The following DRAM1 variants were observed in gnomAD, a reference collection of about 807,000 sequenced individuals.
DRAM1 encodes the protein DNA damage regulated autophagy modulator 1, also known as DNA damage-regulated autophagy modulator protein 1.
In DRAM1, 25 loss-of-function variants were observed where a neutral mutation model predicts 28.5. That is an observed-to-expected ratio of 0.88 (90% CI 0.64 to 1.23). The LOEUF (loss-of-function observed/expected upper bound fraction) is 1.23. DRAM1 is among the 50% of genes most tolerant of loss of function. DRAM1 has a pLI of 0.00. For missense variants in DRAM1, 249 were observed against 299.2 expected (o/e 0.83, Z 1.24); for synonymous variants, 113 against 114.2 (o/e 0.99, Z 0.07).
At position 101,921,826 on chromosome 12, in the gene DRAM1, G is replaced by A. The variant is rs1874495845; in HGVS notation, c.*566G>A. ...CTGATTTTTAGCCGAACTAAACAAAGTGCTTCTACTGAGAGGCCTTTATAC... is the reference window on the plus strand; with the variant it reads ...CTGATTTTTAGCCGAACTAAACAAAATGCTTCTACTGAGAGGCCTTTATAC... On this transcript the variant is annotated 3_prime_UTR_variant, in exon 7 of 7. Transcript: ENST00000258534. The A allele has an allele frequency of 6.6e-6, 1 of 152,554 alleles. No individual in the cohort carries two copies. The highest frequency in any genetic ancestry group is 6.5e-5 in the Admixed American group (1 of 15,278). 9.5% of individuals were successfully genotyped at this position (152,554 alleles called of 1,614,324 possible).
In DRAM1 at chr12:101,914,305, G is replaced by A. The variant is rs181747532; in HGVS notation, c.579+73G>A. On this transcript the variant is annotated intron_variant, in intron 5 of 6. Coordinates refer to ENST00000258534, the MANE Select transcript of DRAM1 (RefSeq NM_018370.3). ...AGCTTGTGGCCAGGCTAGGCATAGG[G>A]AAGATCACTGCCGTTCCTTAGAACA... 1.1e-3 allele frequency: 1,271 copies of A among 1,151,466 alleles called. 10 individuals carry two copies. The African/African-American group carries it at 0.017, about 16-fold the overall frequency. The allele number at this position is 1,151,466 out of a possible 1,614,324, so 71.3% of individuals were successfully genotyped here.
intron 1 of DRAM1, among the ~76,000 whole-genome samples, chr12:101,890,844 G>A (rs575199709): frequency 1.3e-3 from 191 of 149,988 alleles, no homozygotes; most frequent in Middle Eastern, 3.4e-3. Flanking sequence ...TCCACTTCCC[G>A]GGTTCAAGCG....
intron 4 of DRAM1, among the ~76,000 whole-genome samples, chr12:101,913,705 C>CAAAAAAAA (rs60536139): frequency 2.0e-5 from 1 of 50,184 alleles, no homozygotes; most frequent in Non-Finnish European, 4.5e-5. Context: ...GAGTACGTCT[C>CAAAAAAAA]AAAAAAAAAA....
intron 1 of DRAM1, among the ~76,000 whole-genome samples, chr12:101,893,390 C>T (rs775750765): frequency 4.6e-5 from 7 of 152,130 alleles, no homozygotes; most frequent in African/African-American, 9.7e-5. Flanking sequence ...GTATTTTCAC[C>T]ATGGAAGTTG....
At chr12:101,892,413 T>TAA (rs1452987204) in intron 1 of DRAM1, among the ~76,000 whole-genome samples, 7 of 75,430 alleles carry the variant, frequency 9.3e-5, no homozygotes, top group Non-Finnish European at 1.5e-4. Flanking sequence ...TTTTTTTTTT[T>TAA]TTTTTTTTTT....
intron 1 of DRAM1, among the ~76,000 whole-genome samples, chr12:101,882,499 A>G (rs984498652): frequency 6.6e-6 from 1 of 151,366 alleles, no homozygotes; most frequent in Admixed American, 6.6e-5. Flanking sequence ...GGCATTTAGA[A>G]TCAGCTTCCT....
chr12:101,914,389 A>C (rs949233569), intron 5 of DRAM1, among the ~76,000 whole-genome samples, 157 bp downstream of exon 5: 1 of 152,214 alleles, frequency 6.6e-6, no homozygotes. Flanking sequence ...ATCATTTGGC[A>C]GTATGTAGTA....
At chr12:101,894,350 G>A (rs12822207) in intron 1 of DRAM1, among the ~76,000 whole-genome samples, 1,658 of 151,958 alleles carry the variant, frequency 0.011, 16 homozygotes, top group Admixed American at 0.023. Flanking sequence ...CTCCTAACCC[G>A]AAGTGATCCA....
chr12:101,880,278 CTTTTTTTT>C (rs61082909), intron 1 of DRAM1, among the ~76,000 whole-genome samples: 8 of 70,094 alleles, frequency 1.1e-4, no homozygotes, highest in Non-Finnish European at 1.7e-4. Flanking sequence ...GCAATGCTTC[CTTTTTTTT>C]TTTTTTTTTT....
At chr12:101,897,738 C>A in intron 1 of DRAM1, 125 bp from the exon 2 acceptor site, 1 of 696,698 alleles carries the variant, frequency 1.4e-6, no homozygotes, top group South Asian at 1.8e-5. Context: ...CAGGCCAAAT[C>A]TTTGGAATTC....
intron 4 of DRAM1, among the ~76,000 whole-genome samples, chr12:101,910,325 T>G (rs186186820): frequency 2.6e-4 from 40 of 152,280 alleles, no homozygotes; most frequent in African/African-American, 9.6e-4. Flanking sequence ...TAATAGTGGT[T>G]GTAGTGTTAC....
intron 2 of DRAM1, among the ~76,000 whole-genome samples, chr12:101,900,367 C>A (rs997669785): frequency 6.6e-6 from 1 of 152,000 alleles, no homozygotes; most frequent in Admixed American, 6.6e-5. Flanking sequence ...TTAAAACTTT[C>A]AAATGATGTA....
At position 101,914,194 on chromosome 12, in the gene DRAM1, A is replaced by G; in HGVS notation, c.541A>G (p.Ile181Val). The G allele has an allele frequency of 6.2e-7, 1 of 1,609,536 alleles. No homozygotes were observed. The highest frequency in any genetic ancestry group is 8.5e-7 in the Non-Finnish European group (1 of 1,178,682). Residue 181 changes from isoleucine (I) to valine (V), a missense_variant, in exon 5 of 7, where the codon ATT becomes GTT. By Grantham distance (29) the Ile-to-Val change is conservative (BLOSUM62 3). This residue lies in a region of DRAM1 where 218 missense variants were observed against 243.1 expected (regional missense o/e 0.90). Coordinates refer to ENST00000258534, the MANE Select transcript of DRAM1 (RefSeq NM_018370.3). ...VIPMIVCASL[I>V]SITKLEWNPR... is the part of the protein sequence containing the mutation. Reference sequence around the variant, plus strand: ...TTCAGTGATTGTCTGTGCTTCACTAATTTCCATAACCAAGCTGGAGTGGAA... The same window carrying G: ...TTCAGTGATTGTCTGTGCTTCACTAGTTTCCATAACCAAGCTGGAGTGGAA...
chr12:101,896,435 A>G (rs1353729182), intron 1 of DRAM1, among the ~76,000 whole-genome samples: 1 of 152,206 alleles, frequency 6.6e-6, no homozygotes, highest in African/African-American at 2.4e-5. Flanking sequence ...AGCAGCCTGA[A>G]AATGAAAAAA....
Position 101,921,256 on chromosome 12 carries a change from T to A in DRAM1, c.713T>A (p.Ile238Asn), listed in dbSNP as rs1281502436. The change falls in exon 7 of 7, where the codon ATT becomes AAT. Residue 238 changes from isoleucine (I) to asparagine (N), a missense_variant. By Grantham distance (149) the Ile-to-Asn change is moderately radical. Coordinates refer to ENST00000258534, the MANE Select transcript of DRAM1 (RefSeq NM_018370.3). The part of the protein sequence containing the change: ...LRISTEINGD[I>N] ...ATATCCACAGAAATCAATGGTGATA[T>A]TTGAAGAAAGAAGAATTCAGTCTCA... The A allele has an allele frequency of 1.2e-6, 2 of 1,606,672 alleles. No homozygotes were observed. Among genetic ancestry groups the A allele is most frequent in the African/African-American group, 2.7e-5 (2 of 74,756 alleles).
In DRAM1 at chr12:101,908,351, G is replaced by A; in HGVS notation, c.508G>A (p.Ala170Thr). 2.5e-6 allele frequency: 4 copies of A among 1,609,628 alleles called. No individual in the cohort carries two copies. Among genetic ancestry groups the A allele is most frequent in the Non-Finnish European group, 3.4e-6 (4 of 1,178,708 alleles). ...RMVISAVSCAAVIPMIVCASL... is the reference protein window; with the variant it reads ...RMVISAVSCATVIPMIVCASL... ...GGTCATCTCTGCCGTTTCTTGCGCA[G>A]CTGTCATCCCCAGTATCCTTTTTCA... The change falls in exon 4 of 7, where the codon GCT becomes ACT. Residue 170 changes from alanine (A) to threonine (T), a missense_variant. Coordinates refer to ENST00000258534, the MANE Select transcript of DRAM1 (RefSeq NM_018370.3).
chr12:101,895,197 T>TTTTG, intron 1 of DRAM1, among the ~76,000 whole-genome samples: 1 of 128,252 alleles, frequency 7.8e-6, no homozygotes, highest in Non-Finnish European at 1.6e-5. Flanking sequence ...TTTTTTTTTT[T>TTTTG]TTTTTTTTTT....
intron 5 of DRAM1, among the ~76,000 whole-genome samples, chr12:101,916,941 T>C (rs1383623844): frequency 2.6e-5 from 4 of 152,126 alleles, no homozygotes; most frequent in Admixed American, 2.0e-4. Context: ...AGACAACACA[T>C]TGTGGAAATG....
rs551231939 is a variant in DRAM1 at position 101,882,352 on chromosome 12, C to T, written c.131+4432C>T. ...GTCTCGATCTCCTGACCTTGTGATCCGCCCGCCTCAGCCTCCCAAAGTGCT... is the reference window on the plus strand; with the variant it reads ...GTCTCGATCTCCTGACCTTGTGATCTGCCCGCCTCAGCCTCCCAAAGTGCT... On this transcript the variant is annotated intron_variant, in intron 1 of 6. Coordinates refer to ENST00000258534, the MANE Select transcript of DRAM1 (RefSeq NM_018370.3). Among the ~76,000 whole-genome samples the T allele has an allele frequency of 5.3e-5, 8 of 150,738 alleles. 1 individual carries two copies. Among genetic ancestry groups the T allele is most frequent in the South Asian group, 4.5e-4 (2 of 4,452 alleles).
Sources: gnomAD v4.1 joint callset for allele counts (sites outside exome capture counted in the v4.1 genomes callset) on GRCh38, gnomAD v4.1.1 for gene constraint, gnomAD v4.1.1 regional missense constraint, MANE v1.5 for transcripts, NCBI Gene and HGNC (gene_info 2026-07-23, HGNC 2026-07-21) for gene names.